Variants in TBL1XR1 observed in about 807,000 individuals in gnomAD.
TBL1XR1 encodes the protein TBL1X/Y related 1, also known as F-box-like/WD repeat-containing protein TBL1XR1.
Under a neutral mutation model 66.9 loss-of-function variants are expected in TBL1XR1, and 5 were observed. The ratio of observed to expected loss-of-function variants is 0.07; its 90% CI spans 0.04 to 0.16. The LOEUF is 0.16. Among genes scored for constraint, TBL1XR1 ranks in the 10% least tolerant of loss-of-function variants. The probability of loss-of-function intolerance (pLI) is 1.00; values close to 1 mark genes in which losing one functional copy is unlikely to be tolerated. For synonymous variants in TBL1XR1, 210 were observed against 206.0 expected, an observed-to-expected ratio of 1.02 and a Z score of -0.17; for missense variants, 238 against 623.2, an observed-to-expected ratio of 0.38 and a Z score of 6.58.
chr3:177,032,332 G>A (rs1258063024), intron 14 of TBL1XR1: 1 of 152,140 alleles, frequency 6.6e-6, no homozygotes, highest in Non-Finnish European at 1.5e-5. Flanking sequence ...GAACCATGGT[G>A]GCGGACACCT....
chr3:177,079,700 A>G (rs1181569042), intron 2 of TBL1XR1: 7 of 151,994 alleles, frequency 4.6e-5, no homozygotes, highest in Admixed American at 4.6e-4. Flanking sequence ...AATTGGGTCT[A>G]TATAATCAAT....
At chr3:177,137,762 G>C (rs1171922213) in intron 1 of TBL1XR1, among the ~76,000 whole-genome samples, 1 of 152,134 alleles carries the variant, frequency 6.6e-6, no homozygotes, top group Non-Finnish European at 1.5e-5. Flanking sequence ...TTGAGTCCAG[G>C]AGTTTGAGAA....
intron 2 of TBL1XR1, among the ~76,000 whole-genome samples, chr3:177,080,102 C>G (rs370962477): frequency 2.6e-4 from 39 of 152,256 alleles, no homozygotes; most frequent in African/African-American, 8.7e-4. Context: ...CAGTAGGGAA[C>G]AAGGTTGAAA....
intron 1 of TBL1XR1, among the ~76,000 whole-genome samples, chr3:177,163,549 G>C (rs982349398): frequency 1.3e-5 from 2 of 151,570 alleles, no homozygotes; most frequent in Non-Finnish European, 2.9e-5. Context: ...GATGTGAGAA[G>C]ATGTAAAATA....
chr3:177,175,884 C>T (rs1284656309), intron 1 of TBL1XR1, among the ~76,000 whole-genome samples: 2 of 151,660 alleles, frequency 1.3e-5, no homozygotes, highest in African/African-American at 4.8e-5. Flanking sequence ...CGGTGAAACC[C>T]CATCTCTACT....
chr3:177,077,408 T>C (rs1720825694), intron 2 of TBL1XR1, among the ~76,000 whole-genome samples: 1 of 152,338 alleles, frequency 6.6e-6, no homozygotes. Flanking sequence ...GAGGGGCTTT[T>C]GGTGAGATGG....
At chr3:177,154,903 A>G (rs1024696813) in intron 1 of TBL1XR1, among the ~76,000 whole-genome samples, 1 of 152,212 alleles carries the variant, frequency 6.6e-6, no homozygotes, top group African/African-American at 2.4e-5. Flanking sequence ...AGAGAACAAA[A>G]CAGATGCAAA....
chr3:177,188,855 T>C (rs1337756754), intron 1 of TBL1XR1, among the ~76,000 whole-genome samples: 1 of 152,236 alleles, frequency 6.6e-6, no homozygotes, highest in Non-Finnish European at 1.5e-5. Flanking sequence ...GAGCTTTCAA[T>C]CTAACTCATT....
chr3:177,132,029 G>A (rs1437729273), intron 1 of TBL1XR1, among the ~76,000 whole-genome samples: 4 of 152,026 alleles, frequency 2.6e-5, no homozygotes, highest in Admixed American at 6.6e-5. Flanking sequence ...CCTGGTCAAA[G>A]TACCAAACAT....
At chr3:177,069,376 C>T (rs6799714) in intron 2 of TBL1XR1, among the ~76,000 whole-genome samples, 54,413 of 151,896 alleles carry the variant, frequency 0.36, 10,056 homozygotes, top group East Asian at 0.5. Flanking sequence ...TCAGTACCTA[C>T]TGCACATGAT....
chr3:177,097,844 G>C (rs1160276593), intron 2 of TBL1XR1, among the ~76,000 whole-genome samples: 1 of 152,062 alleles, frequency 6.6e-6, no homozygotes, highest in Admixed American at 6.6e-5. Context: ...CAAAACACAA[G>C]ACCATCACGA....
At chr3:177,083,054 C>A (rs1269943369) in intron 2 of TBL1XR1, among the ~76,000 whole-genome samples, 1 of 151,962 alleles carries the variant, frequency 6.6e-6, no homozygotes, top group Non-Finnish European at 1.5e-5. Flanking sequence ...TCAATCCAAT[C>A]TCGCTAATAA....
chr3:177,183,161 T>C (rs73041628), intron 1 of TBL1XR1, among the ~76,000 whole-genome samples: 1,596 of 152,302 alleles, frequency 0.01, 30 homozygotes, highest in African/African-American at 0.037. Flanking sequence ...CGTCGACGTT[T>C]CTGAGTACTG....
chr3:177,125,530 G>A (rs1427751788), intron 1 of TBL1XR1, among the ~76,000 whole-genome samples: 1 of 152,022 alleles, frequency 6.6e-6, no homozygotes. Context: ...TGAATTAACA[G>A]GATTTTAAAA....
At chr3:177,180,499 TTA>T (rs137977907) in intron 1 of TBL1XR1, among the ~76,000 whole-genome samples, 216 of 152,196 alleles carry the variant, frequency 1.4e-3, no homozygotes, top group African/African-American at 5.1e-3. Context: ...TTTTAAACTT[TTA>T]TTTTTAAATA....
In TBL1XR1 at chr3:177,026,367, A is replaced by G; in HGVS notation, c.1518+6T>C. The G allele has an allele frequency of 6.2e-7, 1 of 1,610,636 alleles. No individual in the cohort carries two copies. Among genetic ancestry groups the G allele is most frequent in the Non-Finnish European group, 8.5e-7 (1 of 1,177,970 alleles). On this transcript the variant is annotated splice_donor_region_variant and intron_variant, in intron 15 of 15. Coordinates refer to ENST00000457928, the MANE Select transcript of TBL1XR1 (RefSeq NM_024665.7). ...ACCCTCTTTGGAAACACTTTACTATACTTACTGAACCATCTGATGCACTGG... is the reference window on the plus strand; with the variant it reads ...ACCCTCTTTGGAAACACTTTACTATGCTTACTGAACCATCTGATGCACTGG...
At chr3:177,184,753 C>T (rs73041635) in intron 1 of TBL1XR1, among the ~76,000 whole-genome samples, 4,995 of 151,458 alleles carry the variant, frequency 0.033, 210 homozygotes, top group African/African-American at 0.099. Context: ...GTAAGCCGAT[C>T]GCACCACTGC....
chr3:177,037,834 G>GAAAC (rs1715030485), intron 12 of TBL1XR1: 1 of 306,110 alleles, frequency 3.3e-6, no homozygotes, highest in Non-Finnish European at 6.1e-6. Flanking sequence ...TTTCTCTGGA[G>GAAAC]AGCCCTAACT....
chr3:177,145,472 T>A (rs1730137492), intron 1 of TBL1XR1, among the ~76,000 whole-genome samples: 1 of 152,050 alleles, frequency 6.6e-6, no homozygotes, highest in Admixed American at 6.6e-5. Flanking sequence ...AATAACAGCC[T>A]CTCAAAGTTC....
Sources: allele counts gnomAD v4.1 joint callset (sites outside exome capture counted in the v4.1 genomes callset), GRCh38; gene constraint gnomAD v4.1.1; transcripts MANE v1.5; gene names NCBI Gene and HGNC (gene_info 2026-07-23, HGNC 2026-07-21).